ENTREP2: variants seen among roughly 807,000 people sequenced by gnomAD.
The protein encoded by ENTREP2 is protein ENTREP2.
the ENTREP2 span, among the ~76,000 whole-genome samples, chr15:29,630,531 G>A: frequency 6.6e-6 from 1 of 152,018 alleles, no homozygotes; most frequent in Non-Finnish European, 1.5e-5. Flanking sequence ...CCAAAGTTGG[G>A]GAATTTTCAG....
chr15:29,330,418 C>T, the ENTREP2 span, among the ~76,000 whole-genome samples: 2 of 152,110 alleles, frequency 1.3e-5, no homozygotes, highest in African/African-American at 4.8e-5. Context: ...CACTGCACTC[C>T]AGCCTGGGCG....
the ENTREP2 span, among the ~76,000 whole-genome samples, chr15:29,183,470 C>T: frequency 6.6e-6 from 1 of 152,154 alleles, no homozygotes; most frequent in South Asian, 2.1e-4. Context: ...CACACGCTGC[C>T]GAGTGCACAT....
the ENTREP2 span, among the ~76,000 whole-genome samples, chr15:29,546,029 C>T: frequency 6.6e-5 from 10 of 152,176 alleles, no homozygotes; most frequent in Admixed American, 2.0e-4. Flanking sequence ...GCTACTGCTG[C>T]CTTTGCCACA....
chr15:29,646,859 C>T, the ENTREP2 span, among the ~76,000 whole-genome samples: 1 of 152,124 alleles, frequency 6.6e-6, no homozygotes, highest in South Asian at 2.1e-4. Flanking sequence ...TATCCTGAAC[C>T]CTACTGCAAT....
the ENTREP2 span, among the ~76,000 whole-genome samples, chr15:29,642,533 T>C: frequency 6.8e-6 from 1 of 148,058 alleles, no homozygotes; most frequent in Admixed American, 6.8e-5. Flanking sequence ...TACACATATA[T>C]ATCATATGTA....
chr15:29,163,908 G>A, the ENTREP2 span, among the ~76,000 whole-genome samples: 6 of 152,324 alleles, frequency 3.9e-5, no homozygotes, highest in East Asian at 1.2e-3. Context: ...TTTAAGAGCT[G>A]TGAGACAGAA....
chr15:29,604,621 A>C, the ENTREP2 span, among the ~76,000 whole-genome samples: 72,748 of 152,034 alleles, frequency 0.48, 19,219 homozygotes, highest in East Asian at 0.84. Flanking sequence ...AAAGGAGTAA[A>C]CTGCTCAGCA....
chr15:29,145,466 C>CA, the ENTREP2 span, among the ~76,000 whole-genome samples: 2 of 151,346 alleles, frequency 1.3e-5, no homozygotes, highest in Non-Finnish European at 2.9e-5. Flanking sequence ...ACTAAAAATA[C>CA]AAAAAAATTA....
chr15:29,190,458 G>A, the ENTREP2 span, among the ~76,000 whole-genome samples: 1 of 151,970 alleles, frequency 6.6e-6, no homozygotes, highest in Non-Finnish European at 1.5e-5. Flanking sequence ...AAGACAATCC[G>A]AGGGATGAGT....
chr15:29,510,449 T>C, the ENTREP2 span, among the ~76,000 whole-genome samples: 11,628 of 152,206 alleles, frequency 0.076, 495 homozygotes, highest in African/African-American at 0.095. Context: ...CACATGCACA[T>C]GTATGTTTAT....
the ENTREP2 span, among the ~76,000 whole-genome samples, chr15:29,534,047 G>A: frequency 1.5e-5 from 2 of 132,934 alleles, no homozygotes; most frequent in Non-Finnish European, 3.1e-5. Context: ...CACAGAAAGA[G>A]TGTCATATGT....
chr15:29,172,945 G>A, the ENTREP2 span, among the ~76,000 whole-genome samples: 1 of 152,162 alleles, frequency 6.6e-6, no homozygotes, highest in Admixed American at 6.5e-5. Flanking sequence ...GTCTGTGGCG[G>A]GAGGCCCACC....
chr15:29,600,898 CTT>C, the ENTREP2 span, among the ~76,000 whole-genome samples: 21 of 125,444 alleles, frequency 1.7e-4, no homozygotes, highest in South Asian at 1.6e-3. Flanking sequence ...TATGATTTTT[CTT>C]TCTTTTTTTT....
the ENTREP2 span, among the ~76,000 whole-genome samples, chr15:29,239,408 CACAA>C: frequency 6.6e-6 from 1 of 152,190 alleles, no homozygotes; most frequent in Non-Finnish European, 1.5e-5. Flanking sequence ...CAATCAGAAA[CACAA>C]ACAGACAAGG....
At chr15:29,585,268 AT>A in the ENTREP2 span, among the ~76,000 whole-genome samples, 1 of 152,192 alleles carries the variant, frequency 6.6e-6, no homozygotes, top group East Asian at 1.9e-4. Flanking sequence ...ATCATTCCTA[AT>A]TTTTCAGAGA....
At chr15:29,593,093 T>A in the ENTREP2 span, among the ~76,000 whole-genome samples, 1 of 152,042 alleles carries the variant, frequency 6.6e-6, no homozygotes, top group Non-Finnish European at 1.5e-5. Context: ...GGGACACATT[T>A]GAACCATAGC....
the ENTREP2 span, among the ~76,000 whole-genome samples, chr15:29,128,578 T>C: frequency 6.6e-6 from 1 of 152,036 alleles, no homozygotes; most frequent in Admixed American, 6.6e-5. Context: ...ATATGCTGAC[T>C]GTAGTGGATG....
chr15:29,308,953 A>G, the ENTREP2 span, among the ~76,000 whole-genome samples: 1 of 152,130 alleles, frequency 6.6e-6, no homozygotes, highest in Non-Finnish European at 1.5e-5. Context: ...GCCTCCCCAC[A>G]CAGTGTACCT....
chr15:29,472,428 AACACACACACACACACACACACACAC>A, the ENTREP2 span, among the ~76,000 whole-genome samples: 5 of 140,622 alleles, frequency 3.6e-5, no homozygotes, highest in East Asian at 6.4e-4. Context: ...CACAACACAC[AACACACACACACACACACACACACAC>A]ACACACACAC....
Sources: allele counts gnomAD v4.1 joint callset (sites outside exome capture counted in the v4.1 genomes callset), GRCh38; gene constraint gnomAD v4.1.1; transcripts MANE v1.5; gene names NCBI Gene and HGNC (gene_info 2026-07-23, HGNC 2026-07-21).